RBM19: variants seen among roughly 807,000 people sequenced by gnomAD.
The protein encoded by RBM19 is RNA binding motif protein 19, also known as probable RNA-binding protein 19.
RBM19 carries 94 observed loss-of-function variants against 116.8 expected under a neutral mutation model. The observed-to-expected ratio is 0.80, with a 90% CI of 0.68 to 0.95. The LOEUF (loss-of-function observed/expected upper bound fraction) is 0.95. Ranked by LOEUF, RBM19 falls within the 40% of genes least tolerant of loss-of-function variation. RBM19 has a pLI of 0.00. For synonymous variants in RBM19, 475 were observed against 494.1 expected (o/e 0.96, Z 0.51); for missense variants, 1,161 against 1,220.7 (o/e 0.95, Z 0.73).
intron 21 of RBM19, among the ~76,000 whole-genome samples, chr12:113,872,258 C>T (rs1319881205): frequency 3.4e-5 from 5 of 145,618 alleles, no homozygotes; most frequent in East Asian, 5.0e-4. Context: ...CTGGCCGCCC[C>T]GTCTGAGAAG....
At chr12:113,959,434 A>C (rs992256420) in intron 4 of RBM19, 30 bp from the exon 5 acceptor site, 1 of 1,588,390 alleles carries the variant, frequency 6.3e-7, no homozygotes, top group Non-Finnish European at 8.6e-7. Context: ...GGCGGCAGGG[A>C]CACGGGAAAA....
At chr12:113,861,740 C>A (rs1205962298) in intron 21 of RBM19, among the ~76,000 whole-genome samples, 1 of 152,066 alleles carries the variant, frequency 6.6e-6, no homozygotes, top group African/African-American at 2.4e-5. Context: ...AGAAGACATG[C>A]TTTTGTGGCC....
chr12:113,818,407 C>T (rs1016522904), downstream of RBM19, among the ~76,000 whole-genome samples: 8 of 152,154 alleles, frequency 5.3e-5, no homozygotes, highest in African/African-American at 9.7e-5. Flanking sequence ...CAGGGGGGCA[C>T]CTCCTACAGG....
intron 21 of RBM19, among the ~76,000 whole-genome samples, chr12:113,870,152 C>A (rs2135763205): frequency 6.6e-6 from 1 of 152,278 alleles, no homozygotes; most frequent in Non-Finnish European, 1.5e-5. Context: ...GAGCAGGGAG[C>A]TGGATCTACT....
intron 21 of RBM19, among the ~76,000 whole-genome samples, chr12:113,878,669 A>ACACG (rs1247684531): frequency 6.9e-6 from 1 of 144,238 alleles, no homozygotes; most frequent in Non-Finnish European, 1.5e-5. Context: ...ACACACACAC[A>ACACG]CACCCTCACT....
At chr12:113,883,548 C>G (rs1000577260) in intron 21 of RBM19, among the ~76,000 whole-genome samples, 1 of 152,266 alleles carries the variant, frequency 6.6e-6, no homozygotes, top group South Asian at 2.1e-4. Flanking sequence ...AATTCTCAAT[C>G]ACAAAGACAG....
chr12:113,952,632 A>G lies in RBM19; in HGVS notation c.922-42T>C, dbSNP rs377547194. ...TTTTCCCCTTACCAACCACATAATAAAAGTACAACCCAACGAAAAGACATG... is the reference window on the plus strand; with the variant it reads ...TTTTCCCCTTACCAACCACATAATAGAAGTACAACCCAACGAAAAGACATG... On this transcript the variant is annotated intron_variant, in intron 7 of 23. Coordinates refer to ENST00000261741, the MANE Select transcript of RBM19 (RefSeq NM_016196.4). 4.6e-6 allele frequency: 7 copies of G among 1,523,890 alleles called. No individual in the cohort carries two copies. The African/African-American group carries it at 8.2e-5, about 18-fold the overall frequency. The allele number at this position is 1,523,890 out of a possible 1,614,324, so 94.4% of individuals were successfully genotyped here.
rs777226103 is a variant in RBM19 at position 113,958,068 on chromosome 12, C to G, written c.572-18G>C. On this transcript the variant is annotated intron_variant, in intron 5 of 23. Coordinates refer to ENST00000261741, the MANE Select transcript of RBM19 (RefSeq NM_016196.4). Reference sequence around the variant, plus strand: ...TGCCTCTTCTGGAAAAACAGGGAAGCTGGGATCAGCGACAGCTATGAGCAA... The same window carrying G: ...TGCCTCTTCTGGAAAAACAGGGAAGGTGGGATCAGCGACAGCTATGAGCAA... The G allele has an allele frequency of 6.3e-7, 1 of 1,596,916 alleles. No individual in the cohort carries two copies. Among genetic ancestry groups the G allele is most frequent in the East Asian group, 2.2e-5 (1 of 44,810 alleles).
At chr12:113,860,379 A>G (rs980805838) in intron 21 of RBM19, among the ~76,000 whole-genome samples, 2 of 152,178 alleles carry the variant, frequency 1.3e-5, no homozygotes, top group African/African-American at 4.8e-5. Flanking sequence ...CCTCCACCAA[A>G]GCCCCTCTGC....
intron 14 of RBM19, among the ~76,000 whole-genome samples, chr12:113,940,661 C>T (rs1870498120): frequency 6.6e-6 from 1 of 152,204 alleles, no homozygotes; most frequent in African/African-American, 2.4e-5. Context: ...GGCAGAGCTC[C>T]AGGCAGCCAC....
chr12:113,915,335 G>T (rs1882710380), intron 20 of RBM19, among the ~76,000 whole-genome samples: 1 of 152,132 alleles, frequency 6.6e-6, no homozygotes, highest in Non-Finnish European at 1.5e-5. Context: ...AGACTCCGGG[G>T]CCACCAGGGA....
intron 17 of RBM19, among the ~76,000 whole-genome samples, chr12:113,926,628 A>G (rs1173280482): frequency 6.6e-6 from 1 of 151,976 alleles, no homozygotes; most frequent in Non-Finnish European, 1.5e-5. Flanking sequence ...TTTCCCATAA[A>G]TGCAAAAATC....
chr12:113,852,655 G>A (rs977118714), intron 22 of RBM19, among the ~76,000 whole-genome samples: 4 of 152,294 alleles, frequency 2.6e-5, no homozygotes, highest in Admixed American at 2.6e-4. Flanking sequence ...TTGGTGTCAC[G>A]TGCCACAGCC....
chr12:113,866,191 A>G (rs912219606), intron 21 of RBM19, among the ~76,000 whole-genome samples: 2 of 152,172 alleles, frequency 1.3e-5, no homozygotes, highest in Non-Finnish European at 2.9e-5. Context: ...GAACTTCTCC[A>G]GCTACTGCTC....
At chr12:113,886,787 A>G (rs1880556062) in intron 21 of RBM19, among the ~76,000 whole-genome samples, 1 of 152,234 alleles carries the variant, frequency 6.6e-6, no homozygotes, top group Non-Finnish European at 1.5e-5. Flanking sequence ...TCCACCTCCA[A>G]GAGAATCCAT....
chr12:113,920,946 C>A (rs1027652848), intron 18 of RBM19, among the ~76,000 whole-genome samples: 5 of 152,176 alleles, frequency 3.3e-5, no homozygotes, highest in Admixed American at 6.5e-5. Context: ...TGATAATTAA[C>A]TTCATAATAG....
At chr12:113,918,306 G>A in intron 20 of RBM19, 86 bp downstream of exon 20, 1 of 1,294,530 alleles carries the variant, frequency 7.7e-7, no homozygotes. Flanking sequence ...ACATTGAAGG[G>A]TTGTGAGACA....
chr12:113,828,035 C>T (rs370983299), intron 23 of RBM19, among the ~76,000 whole-genome samples: 5 of 147,302 alleles, frequency 3.4e-5, no homozygotes, highest in Admixed American at 1.4e-4. Flanking sequence ...ACTGAGAGCA[C>T]GAGGGTGGGC....
Position 113,822,142 on chromosome 12 carries a change from CATTTCCTAGA to C in RBM19, c.*1072_*1081del, listed in dbSNP as rs991052772. ...CTGAGGTAGGCACAATTATCACCCC[CATTTCCTAGA>C]GAGAAAAACAGAGGCTCAGCCAGGA... On this transcript the variant is annotated 3_prime_UTR_variant, in exon 24 of 24. Coordinates refer to ENST00000261741, the MANE Select transcript of RBM19 (RefSeq NM_016196.4). The C allele has an allele frequency of 2.6e-5, 4 of 152,262 alleles. No individual in the cohort carries two copies. The highest frequency in any genetic ancestry group is 1.3e-4 in the Admixed American group (2 of 15,290). 9.4% of individuals were successfully genotyped at this position (152,262 alleles called of 1,614,324 possible). A position where few individuals can be genotyped will look rare whatever the true frequency, so the allele number is the denominator to read the frequency against.
Sources: allele counts gnomAD v4.1 joint callset (sites outside exome capture counted in the v4.1 genomes callset), GRCh38; gene constraint gnomAD v4.1.1; transcripts MANE v1.5; gene names NCBI Gene and HGNC (gene_info 2026-07-23, HGNC 2026-07-21).